Variants in ZMYM2 observed in about 807,000 individuals in gnomAD.
ZMYM2 encodes the protein zinc finger MYM-type protein 2.
In ZMYM2, 56 loss-of-function variants were observed where a neutral mutation model predicts 162.8. That is an observed-to-expected ratio of 0.34 (90% CI 0.28 to 0.43). ZMYM2 has a LOEUF of 0.43. Ranked by LOEUF, ZMYM2 falls within the 20% of genes least tolerant of loss-of-function variation. ZMYM2 has a pLI of 1.00. For missense variants in ZMYM2, 1,275 were observed against 1,621.8 expected, an observed-to-expected ratio of 0.79 and a Z score of 3.67; for synonymous variants, 510 against 541.6, an observed-to-expected ratio of 0.94 and a Z score of 0.81.
the ZMYM2 span, among the ~76,000 whole-genome samples, chr13:19,931,005 G>A: frequency 6.6e-6 from 1 of 151,540 alleles, no homozygotes; most frequent in African/African-American, 2.4e-5. Flanking sequence ...CAGGCGCGGT[G>A]GCGGGCGCCT....
At chr13:20,063,674 G>C (rs1042139524) in intron 18 of ZMYM2, among the ~76,000 whole-genome samples, 1 of 150,202 alleles carries the variant, frequency 6.7e-6, no homozygotes, top group Non-Finnish European at 1.5e-5. Context: ...CCAGCTACTG[G>C]GGAGGCTGAG....
intron 2 of ZMYM2, among the ~76,000 whole-genome samples, chr13:19,977,317 G>T (rs1006518227): frequency 6.6e-6 from 1 of 151,940 alleles, no homozygotes; most frequent in African/African-American, 2.4e-5. Context: ...CATGGTGCCC[G>T]GCCCTAAAGT....
the ZMYM2 span, among the ~76,000 whole-genome samples, chr13:19,883,843 A>G: frequency 6.6e-6 from 1 of 151,976 alleles, no homozygotes; most frequent in Non-Finnish European, 1.5e-5. Flanking sequence ...GGCAACCCCC[A>G]CCTCCCAAGT....
chr13:20,031,506 C>A, intron 10 of ZMYM2, 71 bp downstream of exon 10: 1 of 954,500 alleles, frequency 1.0e-6, no homozygotes, highest in Non-Finnish European at 1.5e-6. Context: ...TGTTGTATTT[C>A]CATCTGGAAA....
At chr13:19,955,531 T>A (rs547882255), upstream of ZMYM2, among the ~76,000 whole-genome samples, 14 of 152,340 alleles carry the variant, frequency 9.2e-5, no homozygotes, top group East Asian at 5.8e-4. Flanking sequence ...TCAGTTTTAC[T>A]ACATCTCAAT....
At chr13:19,937,235 G>A in the ZMYM2 span, among the ~76,000 whole-genome samples, 8 of 150,512 alleles carry the variant, frequency 5.3e-5, no homozygotes, top group South Asian at 2.1e-4. Context: ...TACAACCTCC[G>A]CCTCCTTGGC....
chr13:19,993,828 C>T lies in ZMYM2; in HGVS notation c.756C>T (p.Thr252=). 1 of 1,614,094 alleles carries T rather than the reference C, an allele frequency of 6.2e-7. No individual in the cohort carries two copies. Among genetic ancestry groups the T allele is most frequent in the Non-Finnish European group, 8.5e-7 (1 of 1,180,002 alleles). ...QTYTPSLTSQ[T]KTGVGPFNPG... Reference sequence around the variant, plus strand: ...ACACCCCATCTTTAACTTCACAGACCAAGACTGGAGTAGGACCTTTTAATC... The same window carrying T: ...ACACCCCATCTTTAACTTCACAGACTAAGACTGGAGTAGGACCTTTTAATC... Residue 252 remains threonine (T), a synonymous_variant, in exon 3 of 25, where the codon ACC becomes ACT. Coordinates refer to ENST00000610343, the MANE Select transcript of ZMYM2 (RefSeq NM_197968.4).
the ZMYM2 span, among the ~76,000 whole-genome samples, chr13:19,895,466 G>A: frequency 6.6e-6 from 1 of 151,658 alleles, no homozygotes; most frequent in African/African-American, 2.4e-5. Context: ...AGAGGTAGGG[G>A]CATCTCATGA....
chr13:20,037,652 A>G (rs1414702362), intron 12 of ZMYM2, among the ~76,000 whole-genome samples: 1 of 152,154 alleles, frequency 6.6e-6, no homozygotes, highest in Non-Finnish European at 1.5e-5. Context: ...GGGGGACTTT[A>G]AAATTGAAAA....
At chr13:19,921,449 TTTTTG>T in the ZMYM2 span, among the ~76,000 whole-genome samples, 1 of 152,134 alleles carries the variant, frequency 6.6e-6, no homozygotes. Context: ...CTTGTTTTTC[TTTTTG>T]TTTTGTTTTG....
the ZMYM2 span, among the ~76,000 whole-genome samples, chr13:19,916,596 G>A: frequency 2.0e-5 from 3 of 151,580 alleles, no homozygotes; most frequent in Non-Finnish European, 4.4e-5. Flanking sequence ...ATCATTCTCA[G>A]CAAACTATCA....
intron 2 of ZMYM2, among the ~76,000 whole-genome samples, chr13:19,979,954 G>A (rs1444552111): frequency 6.6e-6 from 1 of 152,030 alleles, no homozygotes; most frequent in African/African-American, 2.4e-5. Flanking sequence ...ACACCATTTC[G>A]CCTAAAGTCT....
chr13:19,896,531 CA>C, the ZMYM2 span, among the ~76,000 whole-genome samples: 4 of 149,640 alleles, frequency 2.7e-5, no homozygotes, highest in African/African-American at 9.9e-5. Flanking sequence ...CTGAGGTGGG[CA>C]GATCACAAGG....
the ZMYM2 span, among the ~76,000 whole-genome samples, chr13:19,870,551 CTTCCTTCCTTCCTTCCTTCCTTCTTTCCT>C: frequency 1.5e-5 from 1 of 65,792 alleles, no homozygotes; most frequent in South Asian, 4.9e-4. Flanking sequence ...TTCTTTCTTT[CTTCCTTCCTTCCTTCCTTCCTTCTTTCCT>C]TTCCTTCCTT....
chr13:19,972,086 C>T (rs570629237), intron 2 of ZMYM2, among the ~76,000 whole-genome samples: 26 of 152,234 alleles, frequency 1.7e-4, no homozygotes, highest in African/African-American at 5.3e-4. Flanking sequence ...AAATTCTACA[C>T]CCTAGAGATC....
rs1953082840 is a variant in ZMYM2, at chr13:20,031,070, A to T, written c.1852-249A>T. Among the ~76,000 whole-genome samples, 3 of 152,264 alleles carry T rather than the reference A, an allele frequency of 2.0e-5. No homozygotes were observed. The South Asian group carries it at 6.2e-4, about 32-fold the overall frequency. On this transcript the variant is annotated intron_variant, in intron 9 of 24. Coordinates refer to ENST00000610343, the MANE Select transcript of ZMYM2 (RefSeq NM_197968.4). ...TCTTAAGTGAACAGATGATGATTGA[A>T]TGTATGATTTTTTCTTATTTTAGGT...
At chr13:19,988,496 A>G (rs1209237097) in intron 2 of ZMYM2, among the ~76,000 whole-genome samples, 1 of 152,118 alleles carries the variant, frequency 6.6e-6, no homozygotes. Flanking sequence ...AAGACGAGTT[A>G]CGGCCGGGCA....
intron 10 of ZMYM2, among the ~76,000 whole-genome samples, chr13:20,032,458 A>C (rs141102457): frequency 6.6e-6 from 1 of 152,084 alleles, no homozygotes; most frequent in African/African-American, 2.4e-5. Context: ...ATATGATAAA[A>C]TGGTATACAA....
At chr13:19,978,470 G>A (rs1307605923) in intron 2 of ZMYM2, among the ~76,000 whole-genome samples, 1 of 151,990 alleles carries the variant, frequency 6.6e-6, no homozygotes, top group African/African-American at 2.4e-5. Context: ...AGGCTGGAGG[G>A]CAATGGTGCA....
Sources: allele counts gnomAD v4.1 joint callset (sites outside exome capture counted in the v4.1 genomes callset), GRCh38; gene constraint gnomAD v4.1.1; transcripts MANE v1.5; gene names NCBI Gene and HGNC (gene_info 2026-07-23, HGNC 2026-07-21).